MOB3B: variants seen among roughly 807,000 people sequenced by gnomAD.
The protein encoded by MOB3B is MOB kinase activator 3B, also known as MOB kinase activator-like 2B.
MOB3B carries 7 observed loss-of-function variants against 18.7 expected under a neutral mutation model. The observed-to-expected ratio is 0.37, with a 90% CI of 0.21 to 0.70. The LOEUF is 0.70. Ranked by LOEUF, MOB3B falls within the 30% of genes least tolerant of loss-of-function variation. MOB3B has a pLI of 0.52. For missense variants in MOB3B, 253 were observed against 281.3 expected (o/e 0.90, Z 0.72); for synonymous variants, 111 against 99.9 (o/e 1.11, Z -0.66).
intron 1 of MOB3B, among the ~76,000 whole-genome samples, chr9:27,492,342 A>G (rs1417968634): frequency 6.6e-6 from 1 of 152,198 alleles, no homozygotes; most frequent in African/African-American, 2.4e-5. Flanking sequence ...AAATAGAAAA[A>G]ACTTGACAAG....
intron 2 of MOB3B, among the ~76,000 whole-genome samples, chr9:27,382,536 G>A (rs751631022): frequency 3.9e-5 from 6 of 151,988 alleles, no homozygotes; most frequent in African/African-American, 7.3e-5. Context: ...TAATCAATCC[G>A]GGCATGTTGT....
intron 1 of MOB3B, among the ~76,000 whole-genome samples, chr9:27,494,389 G>T (rs1819867813): frequency 1.3e-5 from 2 of 152,136 alleles, no homozygotes; most frequent in Non-Finnish European, 2.9e-5. Flanking sequence ...AAACTTGCTG[G>T]TTTTTGCGGC....
At chr9:27,370,232 G>T (rs751570695) in intron 2 of MOB3B, among the ~76,000 whole-genome samples, 1 of 152,044 alleles carries the variant, frequency 6.6e-6, no homozygotes, top group Admixed American at 6.5e-5. Flanking sequence ...GTCCTGGCTG[G>T]GCGCGGTCGC....
intron 1 of MOB3B, among the ~76,000 whole-genome samples, chr9:27,518,013 C>T (rs1820265410): frequency 6.6e-6 from 1 of 152,124 alleles, no homozygotes. Flanking sequence ...GATACCACCC[C>T]CAACCTCAGG....
In MOB3B at chr9:27,497,019, C is replaced by T. The variant is rs1158325227; in HGVS notation, c.-199+32536G>A. ...GTTGGCAGCATTCCATTCTCCTCTT[C>T]CTATATTCCAAGAAACTCCAGCAAG... On this transcript the variant is annotated intron_variant, in intron 1 of 3. Transcript: ENST00000262244. Among the ~76,000 whole-genome samples the T allele has an allele frequency of 2.0e-5, 3 of 152,212 alleles. No homozygotes were observed. In the East Asian group the frequency reaches 5.8e-4, roughly 29 times the overall value.
intron 1 of MOB3B, among the ~76,000 whole-genome samples, chr9:27,472,545 C>T (rs565950503): frequency 6.6e-6 from 1 of 152,058 alleles, no homozygotes; most frequent in South Asian, 2.1e-4. Context: ...TCTATTTGGT[C>T]TAAGAAATCT....
chr9:27,429,614 G>T lies in MOB3B; in HGVS notation c.418+25519C>A, dbSNP rs10125712. On this transcript the variant is annotated intron_variant, in intron 2 of 3. Transcript: ENST00000262244. ...TCTTAGTTCACTGTGTCAGTTAGTG[G>T]CAGGAGGAGGAAGCTGGGCTGGGCA... Among the ~76,000 whole-genome samples, 1,296 of 152,260 alleles carry T rather than the reference G, an allele frequency of 8.5e-3. 16 individuals carry two copies. Among genetic ancestry groups the T allele is most frequent in the East Asian group, 0.031 (162 of 5,172 alleles).
intron 3 of MOB3B, among the ~76,000 whole-genome samples, chr9:27,345,302 T>C (rs1282813256): frequency 6.6e-6 from 1 of 152,116 alleles, no homozygotes; most frequent in Non-Finnish European, 1.5e-5. Context: ...CTGCCCACCA[T>C]AGGCCCTGTA....
chr9:27,429,438 AG>A (rs1355057051), intron 2 of MOB3B, among the ~76,000 whole-genome samples: 2 of 152,260 alleles, frequency 1.3e-5, no homozygotes, highest in African/African-American at 4.8e-5. Context: ...AGGAAAAGAA[AG>A]GGGACAAAAC....
Position 27,478,763 on chromosome 9 carries a change from A to G in MOB3B, c.-198-23015T>C, listed in dbSNP as rs564350566. Among the ~76,000 whole-genome samples the G allele has an allele frequency of 2.6e-5, 4 of 151,910 alleles. No individual in the cohort carries two copies. The South Asian group carries it at 8.3e-4, about 32-fold the overall frequency. Reference sequence around the variant, plus strand: ...GAATTTAATAGCATTAAAGCAATACATATGTTCTTGATTTAGAAAATTACA... The same window carrying G: ...GAATTTAATAGCATTAAAGCAATACGTATGTTCTTGATTTAGAAAATTACA... On this transcript the variant is annotated intron_variant, in intron 1 of 3. Transcript: ENST00000262244.
intron 1 of MOB3B, among the ~76,000 whole-genome samples, chr9:27,492,514 A>C (rs533260711): frequency 5.3e-5 from 8 of 152,340 alleles, no homozygotes; most frequent in African/African-American, 1.7e-4. Flanking sequence ...GATGAGGTCT[A>C]CCTAAAGGTT....
At chr9:27,426,681 TC>T (rs1295548505) in intron 2 of MOB3B, among the ~76,000 whole-genome samples, 1 of 151,760 alleles carries the variant, frequency 6.6e-6, no homozygotes, top group African/African-American at 2.4e-5. Flanking sequence ...CATGACACTG[TC>T]CCCCCCTGCC....
At chr9:27,337,060 G>A (rs1020301031) in intron 3 of MOB3B, among the ~76,000 whole-genome samples, 2 of 152,186 alleles carry the variant, frequency 1.3e-5, no homozygotes, top group South Asian at 2.1e-4. Flanking sequence ...GTGGCCTGCC[G>A]TCAGCCCCAT....
chr9:27,524,594 C>T, intron 1 of MOB3B: 1 of 1,614,114 alleles, frequency 6.2e-7, no homozygotes, highest in Middle Eastern at 1.6e-4. Flanking sequence ...TCAAGAAGGC[C>T]TTCTATGAAA....
At chr9:27,419,618 C>G (rs1325037126) in intron 2 of MOB3B, among the ~76,000 whole-genome samples, 1 of 152,182 alleles carries the variant, frequency 6.6e-6, no homozygotes, top group Non-Finnish European at 1.5e-5. Context: ...GAGAATGAAA[C>G]TGGATCCTCA....
chr9:27,348,953 C>T (rs907964516), intron 3 of MOB3B, among the ~76,000 whole-genome samples: 6 of 152,208 alleles, frequency 3.9e-5, no homozygotes, highest in Non-Finnish European at 8.8e-5. Flanking sequence ...GACATGGAAG[C>T]CAAAGGAGTT....
chr9:27,443,015 C>T (rs1360480463), intron 2 of MOB3B, among the ~76,000 whole-genome samples: 1 of 152,176 alleles, frequency 6.6e-6, no homozygotes, highest in Non-Finnish European at 1.5e-5. Context: ...ACAAGTGGGT[C>T]TCAAACTCTA....
chr9:27,513,246 T>C (rs1212075530), intron 1 of MOB3B, among the ~76,000 whole-genome samples: 1 of 152,164 alleles, frequency 6.6e-6, no homozygotes, highest in African/African-American at 2.4e-5. Context: ...ACCTACTTCA[T>C]ACCAGTCTTA....
chr9:27,415,461 A>T (rs1822130622), intron 2 of MOB3B, among the ~76,000 whole-genome samples: 1 of 151,984 alleles, frequency 6.6e-6, no homozygotes, highest in African/African-American at 2.4e-5. Flanking sequence ...AGTTATTTTC[A>T]ATTATAAAAC....
Sources: gnomAD v4.1 joint callset for allele counts (sites outside exome capture counted in the v4.1 genomes callset) on GRCh38, gnomAD v4.1.1 for gene constraint, MANE v1.5 for transcripts, NCBI Gene and HGNC (gene_info 2026-07-23, HGNC 2026-07-21) for gene names.